The following IL1RAPL1 variants were observed in gnomAD, a reference collection of about 807,000 sequenced individuals.
IL1RAPL1 encodes interleukin-1 receptor accessory protein-like 1.
Under a neutral mutation model 48.4 loss-of-function variants are expected in IL1RAPL1, and 3 were observed. That is an observed-to-expected ratio of 0.06 (90% CI 0.03 to 0.16). The LOEUF (loss-of-function observed/expected upper bound fraction) is 0.16. Ranked by LOEUF, IL1RAPL1 falls within the 10% of genes least tolerant of loss-of-function variation. The pLI, the probability that IL1RAPL1 is intolerant of heterozygous loss-of-function variation, is 1.00. For missense variants in IL1RAPL1, 349 were observed against 530.6 expected, an observed-to-expected ratio of 0.66 and a Z score of 3.36; for synonymous variants, 185 against 187.7, an observed-to-expected ratio of 0.99 and a Z score of 0.12.
At chrX:29,410,777 A>T (rs1221019879) in intron 5 of IL1RAPL1, among the ~76,000 whole-genome samples, 2 of 112,576 alleles carry the variant, frequency 1.8e-5, no homozygotes, top group Non-Finnish European at 3.7e-5. Context: ...AGTACAAAAA[A>T]GTTACATAAT....
intron 1 of IL1RAPL1, among the ~76,000 whole-genome samples, chrX:28,595,216 A>G (rs1288804575): frequency 8.9e-6 from 1 of 112,498 alleles, no homozygotes; most frequent in Non-Finnish European, 1.9e-5. Context: ...CCAAGCTACA[A>G]TCATATAACT....
chrX:29,213,808 C>T (rs1930816424), intron 2 of IL1RAPL1, among the ~76,000 whole-genome samples: 1 of 112,108 alleles, frequency 8.9e-6, no homozygotes, highest in African/African-American at 3.2e-5. Context: ...GCGTAACTTC[C>T]CCCACCTCCA....
intron 1 of IL1RAPL1, among the ~76,000 whole-genome samples, chrX:28,755,935 C>T (rs1325989657): frequency 9.0e-6 from 1 of 111,630 alleles, no homozygotes; most frequent in African/African-American, 3.3e-5. Context: ...TATTGCTACT[C>T]GTTCTGGGGG....
chrX:29,665,241 T>A (rs1287387955), intron 5 of IL1RAPL1, among the ~76,000 whole-genome samples: 1 of 112,579 alleles, frequency 8.9e-6, no homozygotes, highest in Admixed American at 9.4e-5. Context: ...TATGTGTGTA[T>A]AGGTGTTTTC....
chrX:28,783,170 A>G (rs1352244116), intron 1 of IL1RAPL1, among the ~76,000 whole-genome samples: 1 of 111,527 alleles, frequency 9.0e-6, no homozygotes, highest in Non-Finnish European at 1.9e-5. Flanking sequence ...CCAGTAGTCT[A>G]TAGGTTTGCA....
chrX:28,920,809 G>A, intron 2 of IL1RAPL1, among the ~76,000 whole-genome samples: 1 of 111,846 alleles, frequency 8.9e-6, no homozygotes, highest in Non-Finnish European at 1.9e-5. Flanking sequence ...GCCAGGAGTG[G>A]CTGAGGAAAA....
chrX:29,155,866 A>G (rs1025875313), intron 2 of IL1RAPL1, among the ~76,000 whole-genome samples: 7 of 111,209 alleles, frequency 6.3e-5, no homozygotes, highest in Admixed American at 1.9e-4. Context: ...TATTTCTAAC[A>G]TTTATAAGCA....
intron 5 of IL1RAPL1, among the ~76,000 whole-genome samples, chrX:29,485,751 CA>C (rs1296470420): frequency 9.0e-6 from 1 of 111,378 alleles, no homozygotes; most frequent in African/African-American, 3.3e-5. Flanking sequence ...CTGTTCTTGT[CA>C]AAATTGTGAA....
chrX:28,636,034 A>G (rs970803494), intron 1 of IL1RAPL1, among the ~76,000 whole-genome samples: 1 of 111,321 alleles, frequency 9.0e-6, no homozygotes, highest in African/African-American at 3.3e-5. Context: ...TATCTAGTCT[A>G]TTGGTCTATC....
chrX:29,898,341 C>T (rs1932428720), intron 6 of IL1RAPL1, among the ~76,000 whole-genome samples: 1 of 112,181 alleles, frequency 8.9e-6, no homozygotes, highest in African/African-American at 3.2e-5. Flanking sequence ...AGGTTGATCA[C>T]ATCAATGAGG....
At chrX:28,616,714 G>C (rs367559393) in intron 1 of IL1RAPL1, among the ~76,000 whole-genome samples, 2 of 112,146 alleles carry the variant, frequency 1.8e-5, no homozygotes, top group Admixed American at 9.4e-5. Context: ...TTACAGGCGT[G>C]AGCCACCGCG....
intron 5 of IL1RAPL1, among the ~76,000 whole-genome samples, chrX:29,449,090 C>T (rs973012588): frequency 8.1e-5 from 9 of 111,357 alleles, no homozygotes; most frequent in Non-Finnish European, 1.1e-4. Context: ...TCCATAACAA[C>T]AGGTGTTACC....
intron 1 of IL1RAPL1, among the ~76,000 whole-genome samples, chrX:28,677,280 T>A (rs923121885): frequency 1.8e-5 from 2 of 111,862 alleles, no homozygotes; most frequent in East Asian, 5.6e-4. Flanking sequence ...TTTTTCTGTG[T>A]GTTTGTGTGT....
At chrX:29,936,431 A>C (rs1790007919) in intron 8 of IL1RAPL1, among the ~76,000 whole-genome samples, 1 of 109,735 alleles carries the variant, frequency 9.1e-6, no homozygotes, top group Non-Finnish European at 1.9e-5. Context: ...TTTTATAATG[A>C]ACGAACCAAC....
chrX:29,809,405 G>A (rs1930333109), intron 6 of IL1RAPL1, among the ~76,000 whole-genome samples: 1 of 110,061 alleles, frequency 9.1e-6, no homozygotes, highest in African/African-American at 3.3e-5. Flanking sequence ...GCCCGGCCGA[G>A]TTTGAACGTT....
chrX:29,577,521 C>A (rs747998405), intron 5 of IL1RAPL1, among the ~76,000 whole-genome samples: 1 of 111,632 alleles, frequency 9.0e-6, no homozygotes, highest in African/African-American at 3.3e-5. Context: ...CGCTCAGTAC[C>A]CCAATCTGAG....
intron 3 of IL1RAPL1, among the ~76,000 whole-genome samples, chrX:29,356,897 A>G (rs1347337310): frequency 9.0e-6 from 1 of 111,699 alleles, no homozygotes; most frequent in East Asian, 2.8e-4. Context: ...GCTCATTTCC[A>G]TCAGTATTTG....
intron 2 of IL1RAPL1, among the ~76,000 whole-genome samples, chrX:29,173,079 C>A (rs2147514380): frequency 9.0e-6 from 1 of 111,126 alleles, no homozygotes; most frequent in African/African-American, 3.3e-5. Flanking sequence ...TCCCAGTGTA[C>A]TTGATAATCC....
chrX:29,653,569 T>C (rs184069555), intron 5 of IL1RAPL1, among the ~76,000 whole-genome samples: 2 of 111,798 alleles, frequency 1.8e-5, no homozygotes, highest in African/African-American at 6.5e-5. Flanking sequence ...CCTGATATTA[T>C]TGCTTATAGG....
Sources: gnomAD v4.1 joint callset for allele counts (sites outside exome capture counted in the v4.1 genomes callset) on GRCh38, gnomAD v4.1.1 for gene constraint, MANE v1.5 for transcripts, NCBI Gene and HGNC (gene_info 2026-07-23, HGNC 2026-07-21) for gene names.